ERICH2: variants seen among roughly 807,000 people sequenced by gnomAD.
ERICH2 encodes the protein glutamate rich 2, also known as glutamate-rich protein 2.
A neutral mutation model predicts 17.4 loss-of-function variants in ERICH2; 17 were observed. The ratio of observed to expected loss-of-function variants is 0.98; its 90% confidence interval spans 0.67 to 1.47. The LOEUF (loss-of-function observed/expected upper bound fraction) is 1.47, where lower values mean the gene tolerates loss of function less well. ERICH2 is among the 40% of genes most tolerant of loss of function. The pLI, the probability that ERICH2 is intolerant of heterozygous loss-of-function variation, is 0.00. For missense variants in ERICH2, 186 were observed against 183.2 expected (o/e 1.01, Z -0.09); for synonymous variants, 51 against 61.1 (o/e 0.83, Z 0.77).
At chr2:170,798,973 T>A, downstream of ERICH2, 7 of 1,472,890 alleles carry the variant, frequency 4.8e-6, no homozygotes, top group Non-Finnish European at 6.4e-6. Flanking sequence ...GACATTTTAG[T>A]CTAATTCTTC....
At chr2:170,780,674 ACAAT>A (rs1282726416), upstream of ERICH2, among the ~76,000 whole-genome samples, 1 of 152,148 alleles carries the variant, frequency 6.6e-6, no homozygotes, top group African/African-American at 2.4e-5. Context: ...AACACCTTTT[ACAAT>A]CAATGTCATC....
rs1159356516 is a variant in ERICH2 at position 170,798,756 on chromosome 2, C to T, written c.347-14C>T. 2.6e-6 allele frequency: 4 copies of T among 1,550,232 alleles called. No individual in the cohort carries two copies. Among genetic ancestry groups the T allele is most frequent in the South Asian group, 1.2e-5 (1 of 84,040 alleles). On this transcript the variant is annotated splice_polypyrimidine_tract_variant and intron_variant, in intron 4 of 4. Coordinates refer to ENST00000409885, the Ensembl canonical transcript of ERICH2. ...AAGAAACACCTTAAGCAATCCTCTT[C>T]CTTTCTGTGGCAGAGAAAACTCAGA...
At chr2:170,795,421 C>T (rs1313218041) in intron 3 of ERICH2, among the ~76,000 whole-genome samples, 1 of 152,214 alleles carries the variant, frequency 6.6e-6, no homozygotes, top group African/African-American at 2.4e-5. Context: ...GATCACAGCT[C>T]ACTTCAGCCT....
At chr2:170,783,819 G>A (rs1297588675) in exon 1 of ERICH2, 1 of 1,550,536 alleles carries the variant, frequency 6.4e-7, no homozygotes, top group Non-Finnish European at 8.7e-7. Flanking sequence ...ACACTGGACA[G>A]TCAGGGTGGT....
At chr2:170,793,187 G>T (rs540221354) in intron 3 of ERICH2, among the ~76,000 whole-genome samples, 69 of 152,286 alleles carry the variant, frequency 4.5e-4, no homozygotes, top group African/African-American at 1.6e-3. Flanking sequence ...CATGATGATG[G>T]GTTAGTAACT....
intron 1 of ERICH2, chr2:170,783,984 C>CT (rs372554632): frequency 2.9e-6 from 4 of 1,401,642 alleles, no homozygotes; most frequent in Non-Finnish European, 3.0e-6. Flanking sequence ...TTAGTTTTAC[C>CT]TTTTTTTGTT....
At chr2:170,775,271 A>T in the ERICH2 span, among the ~76,000 whole-genome samples, 2 of 142,258 alleles carry the variant, frequency 1.4e-5, no homozygotes, top group East Asian at 2.0e-4. Context: ...CTTCAAAAAT[A>T]AAAAAAAAAA....
intron 2 of ERICH2, among the ~76,000 whole-genome samples, chr2:170,786,356 C>T (rs1169673189): frequency 1.3e-5 from 2 of 151,880 alleles, no homozygotes; most frequent in African/African-American, 4.8e-5. Flanking sequence ...TGTCTCATAG[C>T]TTGCATAGTT....
At chr2:170,778,532 A>T in the ERICH2 span, among the ~76,000 whole-genome samples, 2 of 151,982 alleles carry the variant, frequency 1.3e-5, no homozygotes, top group African/African-American at 4.8e-5. Flanking sequence ...TATGTATATT[A>T]CATATTATAT....
the ERICH2 span, among the ~76,000 whole-genome samples, chr2:170,772,095 A>G: frequency 6.6e-6 from 1 of 152,226 alleles, no homozygotes; most frequent in African/African-American, 2.4e-5. Flanking sequence ...AATAATAACA[A>G]TAACATTTCT....
At chr2:170,775,715 C>T in the ERICH2 span, 99,251 of 152,888 alleles carry the variant, frequency 0.65, 32,669 homozygotes, top group East Asian at 0.78. Flanking sequence ...AGACTTTAGT[C>T]CTCTGTGAGC....
At chr2:170,794,882 TTC>T (rs1190511423) in intron 3 of ERICH2, among the ~76,000 whole-genome samples, 1 of 152,262 alleles carries the variant, frequency 6.6e-6, no homozygotes, top group Non-Finnish European at 1.5e-5. Context: ...ACTTCAACAC[TTC>T]CTATCTTGTA....
At chr2:170,783,719 G>T, upstream of ERICH2, 1 of 1,427,356 alleles carries the variant, frequency 7.0e-7, no homozygotes, top group Non-Finnish European at 9.6e-7. Flanking sequence ...AAATGAGACA[G>T]TTCCTGTGAC....
intron 2 of ERICH2, among the ~76,000 whole-genome samples, chr2:170,790,998 A>T (rs992527426): frequency 1.3e-5 from 2 of 152,128 alleles, no homozygotes; most frequent in African/African-American, 4.8e-5. Flanking sequence ...AACAAGAAAA[A>T]TAATTAAACT....
At chr2:170,790,228 G>A (rs147738322) in intron 2 of ERICH2, among the ~76,000 whole-genome samples, 3,103 of 152,330 alleles carry the variant, frequency 0.02, 126 homozygotes, top group Admixed American at 0.1. Flanking sequence ...GGGCGTGGTG[G>A]CTCACGCCTG....
At chr2:170,791,551 G>A (rs4303684) in intron 2 of ERICH2, among the ~76,000 whole-genome samples, 139,023 of 147,688 alleles carry the variant, frequency 0.94, 66,024 homozygotes, top group East Asian at 1. Context: ...TTAGCCGGGC[G>A]TGGTGGCAGG....
At chr2:170,785,145 AAAGAT>A (rs768536218) in intron 2 of ERICH2, among the ~76,000 whole-genome samples, 37 of 152,302 alleles carry the variant, frequency 2.4e-4, no homozygotes, top group South Asian at 8.3e-4. Context: ...AGCACAAAGA[AAAGAT>A]AAGTGTTTAA....
chr2:170,783,759 G>C (rs534735809), upstream of ERICH2: 1 of 1,543,320 alleles, frequency 6.5e-7, no homozygotes, highest in African/African-American at 1.4e-5. Flanking sequence ...TCCTCATTAT[G>C]ACCTCCCTTG....
upstream of ERICH2, among the ~76,000 whole-genome samples, chr2:170,780,352 CTG>C (rs1293029640): frequency 2.6e-5 from 4 of 152,118 alleles, no homozygotes; most frequent in Admixed American, 6.6e-5. Flanking sequence ...TTCTTTGAAA[CTG>C]TGCAAGAAAG....
Sources: gnomAD v4.1 joint callset for allele counts (sites outside exome capture counted in the v4.1 genomes callset) on GRCh38, gnomAD v4.1.1 for gene constraint, MANE v1.5 for transcripts, NCBI Gene and HGNC (gene_info 2026-07-23, HGNC 2026-07-21) for gene names.